Variants in CHCHD6 observed in about 807,000 individuals in gnomAD.
CHCHD6 encodes the protein coiled-coil-helix-coiled-coil-helix domain containing 6, also known as MICOS complex subunit MIC25.
A neutral mutation model predicts 32.3 loss-of-function variants in CHCHD6; 28 were observed. The ratio of observed to expected loss-of-function variants is 0.87; its 90% CI spans 0.64 to 1.19. The LOEUF is 1.19. CHCHD6 is among the 50% of genes most tolerant of loss of function. The pLI is 0.00. For missense variants in CHCHD6, 333 were observed against 307.0 expected (o/e 1.08, Z -0.63); for synonymous variants, 122 against 117.5 (o/e 1.04, Z -0.25).
At chr3:126,900,342 A>G (rs1397433693) in intron 5 of CHCHD6, among the ~76,000 whole-genome samples, 2 of 152,188 alleles carry the variant, frequency 1.3e-5, no homozygotes, top group East Asian at 1.9e-4. Context: ...CAAAGGAGAT[A>G]CTGTTTGTAA....
Position 126,807,196 on chromosome 3 carries a change from A to T in CHCHD6, c.412-45451A>T, listed in dbSNP as rs540638977. Among the ~76,000 whole-genome samples the T allele has an allele frequency of 1.2e-3, 159 of 133,212 alleles. No individual in the cohort carries two copies. The East Asian group carries it at 0.023, about 19-fold the overall frequency. 87.4% of individuals were successfully genotyped at this position (133,212 alleles called of 152,430 possible). On this transcript the variant is annotated intron_variant, in intron 4 of 7. Transcript: ENST00000290913. ...ACATGTACCCTAAAACTTAAAGTAT[A>T]AAAAAAAAAAAATTGTGAGACCAAA...
At chr3:126,906,550 C>A (rs934414694) in intron 5 of CHCHD6, among the ~76,000 whole-genome samples, 1 of 152,174 alleles carries the variant, frequency 6.6e-6, no homozygotes, top group Non-Finnish European at 1.5e-5. Context: ...TCATCCCAGA[C>A]CTCTCCCAGT....
chr3:126,754,639 C>G (rs1348003605), intron 4 of CHCHD6, among the ~76,000 whole-genome samples: 1 of 152,234 alleles, frequency 6.6e-6, no homozygotes, highest in African/African-American at 2.4e-5. Context: ...AAGTGAAAAT[C>G]CTGTGTGCTC....
chr3:126,899,479 A>G (rs1469829698), intron 5 of CHCHD6, among the ~76,000 whole-genome samples: 1 of 152,004 alleles, frequency 6.6e-6, no homozygotes, highest in African/African-American at 2.4e-5. Flanking sequence ...TTCCTTTTCT[A>G]TTCATATAGC....
At chr3:126,824,646 G>A (rs1940311600) in intron 4 of CHCHD6, among the ~76,000 whole-genome samples, 1 of 150,762 alleles carries the variant, frequency 6.6e-6, no homozygotes, top group Non-Finnish European at 1.5e-5. Flanking sequence ...GAATGAAATG[G>A]CACGATCTCG....
intron 6 of CHCHD6, among the ~76,000 whole-genome samples, chr3:126,934,742 G>C (rs2078454429): frequency 6.6e-6 from 1 of 151,680 alleles, no homozygotes; most frequent in South Asian, 2.1e-4. Flanking sequence ...GTAGAGATGG[G>C]GTTTCACCAT....
intron 5 of CHCHD6, among the ~76,000 whole-genome samples, chr3:126,891,988 G>A (rs1350250514): frequency 3.3e-5 from 5 of 152,186 alleles, no homozygotes; most frequent in Admixed American, 3.3e-4. Context: ...CCCAGGAGAA[G>A]CATCCTGTGC....
chr3:126,826,358 G>T (rs982944281), intron 4 of CHCHD6, among the ~76,000 whole-genome samples: 8 of 152,218 alleles, frequency 5.3e-5, no homozygotes, highest in Non-Finnish European at 1.2e-4. Context: ...ATACAGTCAT[G>T]TGTGGATTGT....
intron 6 of CHCHD6, among the ~76,000 whole-genome samples, chr3:126,936,222 A>C (rs1041274780): frequency 6.6e-6 from 1 of 152,184 alleles, no homozygotes; most frequent in Non-Finnish European, 1.5e-5. Context: ...AAGTGGCTCA[A>C]CTGTGCTGAC....
At chr3:126,806,043 A>G (rs547179670) in intron 4 of CHCHD6, among the ~76,000 whole-genome samples, 13 of 152,342 alleles carry the variant, frequency 8.5e-5, no homozygotes, top group Admixed American at 7.2e-4. Flanking sequence ...CTTATACAAA[A>G]ATTAATTCAA....
intron 5 of CHCHD6, among the ~76,000 whole-genome samples, chr3:126,898,198 G>T (rs984314339): frequency 1.3e-5 from 2 of 152,238 alleles, no homozygotes; most frequent in African/African-American, 4.8e-5. Context: ...CCAAAGTCAG[G>T]CTGGGAACGA....
intron 6 of CHCHD6, among the ~76,000 whole-genome samples, chr3:126,955,337 A>G (rs1344182448): frequency 6.6e-6 from 1 of 152,250 alleles, no homozygotes; most frequent in Non-Finnish European, 1.5e-5. Flanking sequence ...CCAGGGGCTC[A>G]TCTGCCCTGC....
At chr3:126,717,129 T>A (rs1935057523) in intron 1 of CHCHD6, among the ~76,000 whole-genome samples, 1 of 152,168 alleles carries the variant, frequency 6.6e-6, no homozygotes, top group African/African-American at 2.4e-5. Flanking sequence ...TGTGGCTTCA[T>A]GGACTGGGCA....
intron 4 of CHCHD6, among the ~76,000 whole-genome samples, chr3:126,792,382 T>C (rs1187125055): frequency 2.6e-5 from 4 of 152,104 alleles, no homozygotes; most frequent in Non-Finnish European, 4.4e-5. Flanking sequence ...CACCATTTTA[T>C]ATTTCCACCT....
chr3:126,753,847 C>G (rs1936837148), intron 4 of CHCHD6, among the ~76,000 whole-genome samples: 1 of 152,200 alleles, frequency 6.6e-6, no homozygotes, highest in Non-Finnish European at 1.5e-5. Flanking sequence ...GGAAGTAGTA[C>G]TACCTGAGAG....
chr3:126,876,039 G>T (rs564679409), intron 5 of CHCHD6, among the ~76,000 whole-genome samples: 2 of 152,350 alleles, frequency 1.3e-5, no homozygotes, highest in Admixed American at 6.5e-5. Context: ...CTGGTAGTTT[G>T]CTGGTGGTTG....
Position 126,914,761 on chromosome 3 carries a change from G to A in CHCHD6, c.566+11G>A, listed in dbSNP as rs1000047658. 17 of 1,498,758 alleles carry A rather than the reference G, an allele frequency of 1.1e-5. No homozygotes were observed. Among genetic ancestry groups the A allele is most frequent in the Non-Finnish European group, 1.5e-5 (16 of 1,074,550 alleles). 92.8% of individuals were successfully genotyped at this position (1,498,758 alleles called of 1,614,324 possible). A position where few individuals can be genotyped will look rare whatever the true frequency, so the allele number is the denominator to read the frequency against. ...GGAGAGCACAATAAAGTAAGAATTT[G>A]TTTATTATTCTTTGTAAACTTGGCC... is the stretch of plus-strand genomic sequence containing the variant. On this transcript the variant is annotated intron_variant, in intron 6 of 7. Transcript: ENST00000290913.
chr3:126,848,845 C>T (rs1030709345), intron 4 of CHCHD6, among the ~76,000 whole-genome samples: 3 of 152,194 alleles, frequency 2.0e-5, no homozygotes, highest in Non-Finnish European at 4.4e-5. Context: ...ATTCATATTT[C>T]AGTTACTGCT....
At chr3:126,957,359 C>T in intron 6 of CHCHD6, 57 bp from the exon 7 acceptor site, 1 of 1,583,262 alleles carries the variant, frequency 6.3e-7, no homozygotes. Context: ...TGAGTTGTTT[C>T]TCTCCCCTGC....
Sources: gnomAD v4.1 joint callset for allele counts (sites outside exome capture counted in the v4.1 genomes callset) on GRCh38, gnomAD v4.1.1 for gene constraint, MANE v1.5 for transcripts, NCBI Gene and HGNC (gene_info 2026-07-23, HGNC 2026-07-21) for gene names.